ANO3: variants seen among roughly 807,000 people sequenced by gnomAD.
The protein encoded by ANO3 is anoctamin 3, also known as anoctamin-3.
ANO3 carries 99 observed loss-of-function variants against 144.8 expected under a neutral mutation model. The ratio of observed to expected loss-of-function variants is 0.68; its 90% CI spans 0.58 to 0.81. ANO3 has a LOEUF of 0.81. Among genes scored for constraint, ANO3 ranks in the 30% least tolerant of loss-of-function variants. The pLI, the probability that ANO3 is intolerant of heterozygous loss-of-function variation, is 0.00. For missense variants in ANO3, 905 were observed against 1,202.2 expected, an observed-to-expected ratio of 0.75 and a Z score of 3.66; for synonymous variants, 414 against 392.6, an observed-to-expected ratio of 1.05 and a Z score of -0.64.
intron 1 of ANO3, among the ~76,000 whole-genome samples, chr11:26,288,281 G>T (rs1853854281): frequency 6.6e-6 from 1 of 152,182 alleles, no homozygotes; most frequent in African/African-American, 2.4e-5. Flanking sequence ...TTAAGATAAA[G>T]AAGTGGAAGT....
chr11:26,276,757 C>G (rs1853568472), intron 1 of ANO3, among the ~76,000 whole-genome samples: 1 of 152,114 alleles, frequency 6.6e-6, no homozygotes, highest in Non-Finnish European at 1.5e-5. Flanking sequence ...ACTCCTACCT[C>G]CCTCTAAAGG....
intron 4 of ANO3, among the ~76,000 whole-genome samples, chr11:26,485,685 G>T (rs1445238631): frequency 1.3e-5 from 2 of 151,964 alleles, no homozygotes; most frequent in African/African-American, 4.8e-5. Flanking sequence ...CGTGTCCTTT[G>T]CCCACTTTTT....
At chr11:26,455,103 C>G (rs1348194376) in intron 3 of ANO3, among the ~76,000 whole-genome samples, 5 of 151,864 alleles carry the variant, frequency 3.3e-5, no homozygotes, top group African/African-American at 1.2e-4. Context: ...TATGACAGAC[C>G]CACAGCCAAT....
At chr11:26,400,418 T>A (rs1026709717) in intron 1 of ANO3, among the ~76,000 whole-genome samples, 3 of 152,052 alleles carry the variant, frequency 2.0e-5, no homozygotes, top group African/African-American at 7.2e-5. Context: ...TTTGTTTTTT[T>A]ATTGCAAATA....
chr11:26,448,995 A>T lies in ANO3; in HGVS notation c.313+5159A>T, dbSNP rs541900309. Among the ~76,000 whole-genome samples, 12 of 152,292 alleles carry T rather than the reference A, an allele frequency of 7.9e-5. No individual in the cohort carries two copies. The East Asian group carries it at 2.3e-3, about 29-fold the overall frequency. On this transcript the variant is annotated intron_variant, in intron 3 of 26. Transcript: ENST00000256737. ...AAAGCTTTAATAAAAGGAAGATTAA[A>T]TCCCATCATTTCTGTGCTCCTGTCT...
At chr11:26,430,793 C>T (rs977689449) in intron 1 of ANO3, among the ~76,000 whole-genome samples, 1 of 152,092 alleles carries the variant, frequency 6.6e-6, no homozygotes, top group African/African-American at 2.4e-5. Flanking sequence ...CTATGCAAAT[C>T]AATTTGAAAG....
At position 26,379,554 on chromosome 11, in the gene ANO3, G is replaced by A. The variant is rs576825803; in HGVS notation, c.46+47233G>A. Among the ~76,000 whole-genome samples, 18 of 152,156 alleles carry A rather than the reference G, an allele frequency of 1.2e-4. No homozygotes were observed. The South Asian group carries it at 3.5e-3, about 30-fold the overall frequency. ...CTCAGCACTTTAGGAGGCTGAGGTG[G>A]GTGGATTGCTTGAGCACAGGAGTTC... On this transcript the variant is annotated intron_variant, in intron 1 of 26. Coordinates refer to ENST00000256737, the MANE Select transcript of ANO3 (RefSeq NM_031418.4).
chr11:26,417,847 A>G (rs1857636185), intron 1 of ANO3, among the ~76,000 whole-genome samples: 1 of 152,064 alleles, frequency 6.6e-6, no homozygotes. Context: ...TAGTAAAACA[A>G]AAATAATAAA....
At chr11:26,594,038 A>G (rs980869337) in intron 14 of ANO3, among the ~76,000 whole-genome samples, 1 of 152,160 alleles carries the variant, frequency 6.6e-6, no homozygotes, top group Admixed American at 6.5e-5. Flanking sequence ...CTGGCCGTCA[A>G]TAGAGTCAGG....
chr11:26,377,580 T>C (rs2133945874), intron 1 of ANO3, among the ~76,000 whole-genome samples: 1 of 152,208 alleles, frequency 6.6e-6, no homozygotes, highest in Admixed American at 6.5e-5. Context: ...TGAGAAATTT[T>C]AACATGTCTA....
chr11:26,306,838 C>T (rs1341598928), upstream of ANO3, among the ~76,000 whole-genome samples: 1 of 151,820 alleles, frequency 6.6e-6, no homozygotes, highest in Non-Finnish European at 1.5e-5. Context: ...ATATGATCTC[C>T]TTCTATCTCT....
At chr11:26,420,754 G>T (rs536188526) in intron 1 of ANO3, among the ~76,000 whole-genome samples, 2 of 151,802 alleles carry the variant, frequency 1.3e-5, no homozygotes, top group Non-Finnish European at 2.9e-5. Context: ...ACTCTTTATT[G>T]GTTTCTTTTC....
At chr11:26,544,297 C>CATAT (rs1849731154) in intron 11 of ANO3, among the ~76,000 whole-genome samples, 1 of 89,286 alleles carries the variant, frequency 1.1e-5, no homozygotes, top group Non-Finnish European at 2.5e-5. Context: ...CACACACACA[C>CATAT]ATATGTATAT....
Position 26,345,556 on chromosome 11 carries a change from G to GAACA in ANO3, c.46+13250_46+13253dup, listed in dbSNP as rs1460616081. 3.9e-5 allele frequency among the ~76,000 whole-genome samples: 6 copies of GAACA among 152,026 alleles called. No homozygotes were observed. The South Asian group carries it at 1.0e-3, about 26-fold the overall frequency. On this transcript the variant is annotated intron_variant, in intron 1 of 26. Coordinates refer to ENST00000256737, the MANE Select transcript of ANO3 (RefSeq NM_031418.4). The stretch of plus-strand genomic sequence containing the variant: ...AACAGAGTGAGACTCCATCTCAAAC[G>GAACA]AACAAACAAACAAACAAAAAATATC...
At chr11:26,585,485 C>T (rs1851249866) in intron 14 of ANO3, among the ~76,000 whole-genome samples, 2 of 152,166 alleles carry the variant, frequency 1.3e-5, no homozygotes, top group Admixed American at 1.3e-4. Flanking sequence ...CACCATCCCT[C>T]TGTTGCCATC....
At chr11:26,351,311 GCT>G (rs1855639862) in intron 1 of ANO3, among the ~76,000 whole-genome samples, 1 of 151,824 alleles carries the variant, frequency 6.6e-6, no homozygotes, top group African/African-American at 2.4e-5. Context: ...AACTTACCCT[GCT>G]CTGTTTTTAT....
intron 12 of ANO3, among the ~76,000 whole-genome samples, chr11:26,549,346 A>G (rs990055399): frequency 1.3e-5 from 2 of 151,980 alleles, no homozygotes; most frequent in African/African-American, 4.8e-5. Context: ...GCAGCACTGA[A>G]TATCTTGACT....
At chr11:26,438,610 A>AAAAAAAAAAAAAAAAAAAG (rs1565024969) in intron 1 of ANO3, among the ~76,000 whole-genome samples, 2 of 73,846 alleles carry the variant, frequency 2.7e-5, no homozygotes, top group Non-Finnish European at 5.1e-5. Flanking sequence ...AAAAAAAAAG[A>AAAAAAAAAAAAAAAAAAAG]AAAAAAAAAA....
chr11:26,633,585 T>G (rs909566311), intron 18 of ANO3, among the ~76,000 whole-genome samples: 2 of 152,244 alleles, frequency 1.3e-5, no homozygotes, highest in Admixed American at 6.5e-5. Flanking sequence ...TGATCCATTA[T>G]GTATGGTTAC....
Sources: allele counts gnomAD v4.1 joint callset (sites outside exome capture counted in the v4.1 genomes callset), GRCh38; gene constraint gnomAD v4.1.1; transcripts MANE v1.5; gene names NCBI Gene and HGNC (gene_info 2026-07-23, HGNC 2026-07-21).